ADAMTS17: variants seen among roughly 807,000 people sequenced by gnomAD.
ADAMTS17 encodes the protein A disintegrin and metalloproteinase with thrombospondin motifs 17.
In ADAMTS17, 113 loss-of-function variants were observed where a neutral mutation model predicts 141.5. The ratio of observed to expected loss-of-function variants is 0.80; its 90% CI spans 0.69 to 0.93. ADAMTS17 has a LOEUF of 0.93. Among genes scored for constraint, ADAMTS17 ranks in the 40% least tolerant of loss-of-function variants. The pLI is 0.00. For missense variants in ADAMTS17, 1,659 were observed against 1,517.9 expected, an observed-to-expected ratio of 1.09 and a Z score of -1.54; for synonymous variants, 768 against 630.6, an observed-to-expected ratio of 1.22 and a Z score of -3.27.
At chr15:100,006,869 C>T (rs2061045873) in intron 18 of ADAMTS17, among the ~76,000 whole-genome samples, 1 of 152,210 alleles carries the variant, frequency 6.6e-6, no homozygotes, top group African/African-American at 2.4e-5. Context: ...TACAACATGG[C>T]AGCATAAAAA....
chr15:99,985,000 G>C (rs1321123630), intron 20 of ADAMTS17, among the ~76,000 whole-genome samples: 1 of 152,236 alleles, frequency 6.6e-6, no homozygotes, highest in Non-Finnish European at 1.5e-5. Flanking sequence ...TGGCCCTGCG[G>C]CCCGCCTCAC....
intron 1 of ADAMTS17, 131 bp downstream of exon 1, chr15:100,341,690 C>G (rs1327682833): frequency 8.3e-7 from 1 of 1,207,062 alleles, no homozygotes; most frequent in African/African-American, 1.6e-5. Context: ...CCGGCCGCGG[C>G]CCGCGCCTCC....
At chr15:100,309,955 G>A (rs1028662302) in intron 3 of ADAMTS17, among the ~76,000 whole-genome samples, 1 of 152,224 alleles carries the variant, frequency 6.6e-6, no homozygotes, top group Non-Finnish European at 1.5e-5. Flanking sequence ...TAGGAAACAG[G>A]AAGATTTGAG....
At chr15:100,173,703 C>T (rs2040239242) in intron 8 of ADAMTS17, among the ~76,000 whole-genome samples, 1 of 152,374 alleles carries the variant, frequency 6.6e-6, no homozygotes, top group Middle Eastern at 3.4e-3. Flanking sequence ...ACACTGTAAG[C>T]ATCCCACTGT....
chr15:100,302,186 T>A (rs941039840), intron 3 of ADAMTS17, among the ~76,000 whole-genome samples: 1 of 152,256 alleles, frequency 6.6e-6, no homozygotes, highest in Non-Finnish European at 1.5e-5. Flanking sequence ...ATCTTCTGTG[T>A]CTGGTTTCTT....
At chr15:100,028,182 C>A (rs923875077) in intron 18 of ADAMTS17, among the ~76,000 whole-genome samples, 1 of 152,216 alleles carries the variant, frequency 6.6e-6, no homozygotes, top group Non-Finnish European at 1.5e-5. Flanking sequence ...CCCAATAACA[C>A]TGTCAGACAG....
chr15:100,273,095 A>G (rs1242737355), intron 4 of ADAMTS17, among the ~76,000 whole-genome samples: 1 of 152,128 alleles, frequency 6.6e-6, no homozygotes, highest in African/African-American at 2.4e-5. Context: ...TTGGTTTCCT[A>G]GTATTTTATT....
intron 19 of ADAMTS17, among the ~76,000 whole-genome samples, chr15:99,996,501 T>C (rs2141343134): frequency 6.6e-6 from 1 of 152,310 alleles, no homozygotes; most frequent in East Asian, 1.9e-4. Context: ...TAAAATATCA[T>C]AAAATGTAGG....
chr15:100,025,436 G>T (rs1224132555), intron 18 of ADAMTS17, among the ~76,000 whole-genome samples: 1 of 139,724 alleles, frequency 7.2e-6, no homozygotes, highest in Non-Finnish European at 1.5e-5. Flanking sequence ...TTTTGAGACA[G>T]ACTTTCACTC....
intron 18 of ADAMTS17, among the ~76,000 whole-genome samples, chr15:100,039,521 C>A (rs1219366911): frequency 6.6e-6 from 1 of 152,190 alleles, no homozygotes; most frequent in East Asian, 1.9e-4. Flanking sequence ...AGGAAGGGTA[C>A]TGTTTAATTT....
intron 18 of ADAMTS17, among the ~76,000 whole-genome samples, chr15:100,027,102 A>C (rs2061530003): frequency 6.6e-6 from 1 of 152,220 alleles, no homozygotes; most frequent in African/African-American, 2.4e-5. Flanking sequence ...GAGGTGCAGA[A>C]GTACTCATAC....
intron 15 of ADAMTS17, among the ~76,000 whole-genome samples, chr15:100,082,440 G>C (rs756226974): frequency 6.6e-6 from 1 of 151,586 alleles, no homozygotes; most frequent in Admixed American, 6.6e-5. Flanking sequence ...GAGTGCAGTG[G>C]CGTGATCTCA....
intron 3 of ADAMTS17, among the ~76,000 whole-genome samples, chr15:100,283,754 G>C (rs976043918): frequency 6.6e-6 from 1 of 152,222 alleles, no homozygotes; most frequent in African/African-American, 2.4e-5. Context: ...TCTAAGAAAA[G>C]TAGCCTGTCA....
chr15:100,298,689 C>T (rs1453938445), intron 3 of ADAMTS17, among the ~76,000 whole-genome samples: 1 of 152,090 alleles, frequency 6.6e-6, no homozygotes, highest in African/African-American at 2.4e-5. Flanking sequence ...AGAGAAAATG[C>T]CAGGCAGCAT....
intron 6 of ADAMTS17, 108 bp downstream of exon 6, chr15:100,261,371 C>G: frequency 6.7e-7 from 1 of 1,502,800 alleles, no homozygotes; most frequent in Non-Finnish European, 9.1e-7. Flanking sequence ...ACAGGTGGCC[C>G]AAGGTCTGAT....
intron 7 of ADAMTS17, among the ~76,000 whole-genome samples, chr15:100,209,335 G>C (rs2041711070): frequency 6.6e-6 from 1 of 152,142 alleles, no homozygotes; most frequent in Non-Finnish European, 1.5e-5. Context: ...GTCAGCCCAG[G>C]CCTCAGAGCA....
intron 13 of ADAMTS17, among the ~76,000 whole-genome samples, chr15:100,114,910 AAC>A (rs1325606750): frequency 6.6e-6 from 1 of 152,228 alleles, no homozygotes; most frequent in African/African-American, 2.4e-5. Context: ...AATCTGTGGA[AAC>A]ACAGACATTT....
rs1366839357 is a variant in ADAMTS17 at position 99,972,011 on chromosome 15, G to C, written c.*2391C>G. ...TCACTCCTGTAATCCCAGCACTTTG[G>C]AAGGCTGAGGCGGGTGGATCATGAG... is the stretch of plus-strand genomic sequence containing the variant. On this transcript the variant is annotated 3_prime_UTR_variant, in exon 22 of 22. Coordinates refer to ENST00000268070, the MANE Select transcript of ADAMTS17 (RefSeq NM_139057.4). 1.3e-5 allele frequency: 2 copies of C among 152,246 alleles called. No homozygotes were observed. The highest frequency in any genetic ancestry group is 4.8e-5 in the African/African-American group (2 of 41,430). 9.4% of individuals were successfully genotyped at this position (152,246 alleles called of 1,614,324 possible).
chr15:100,221,829 A>T (rs2042142441), intron 7 of ADAMTS17, among the ~76,000 whole-genome samples: 1 of 152,176 alleles, frequency 6.6e-6, no homozygotes, highest in Non-Finnish European at 1.5e-5. Context: ...AGGGCCTGAA[A>T]TAAGGCTGCT....
Sources: gnomAD v4.1 joint callset for allele counts (sites outside exome capture counted in the v4.1 genomes callset) on GRCh38, gnomAD v4.1.1 for gene constraint, MANE v1.5 for transcripts, NCBI Gene and HGNC (gene_info 2026-07-23, HGNC 2026-07-21) for gene names.